Variants in TPO observed in about 807,000 individuals in gnomAD.
TPO encodes the protein thyroid microsomal antigen.
TPO carries 78 observed loss-of-function variants against 96.9 expected under a neutral mutation model. That is an observed-to-expected ratio of 0.81 (90% confidence interval 0.67 to 0.97). The LOEUF is 0.97. TPO is among the 50% of genes least tolerant of loss of function. The pLI is 0.00. For missense variants in TPO, 1,252 were observed against 1,274.8 expected (o/e 0.98, Z 0.27); for synonymous variants, 547 against 538.0 (o/e 1.02, Z -0.23).
chr2:1,458,277 T>C (rs1668064401), intron 7 of TPO, among the ~76,000 whole-genome samples: 1 of 151,896 alleles, frequency 6.6e-6, no homozygotes, highest in Admixed American at 6.6e-5. Context: ...CGTGTGTATA[T>C]AGCATATAAG....
At chr2:1,542,064 CT>C in intron 16 of TPO, 2 of 346,448 alleles carry the variant, frequency 5.8e-6, no homozygotes, top group Admixed American at 8.7e-5. Flanking sequence ...CCCTGGGCCC[CT>C]AATTAGTCTG....
intron 15 of TPO, among the ~76,000 whole-genome samples, chr2:1,537,228 TCCC>T (rs201263982): frequency 1.0e-3 from 26 of 25,072 alleles, no homozygotes; most frequent in Non-Finnish European, 1.3e-3. Flanking sequence ...CCTCCCCAAA[TCCC>T]CCAACTGTTT....
intron 2 of TPO, among the ~76,000 whole-genome samples, chr2:1,418,012 A>G (rs62105599): frequency 0.24 from 34,769 of 145,094 alleles, 4,425 homozygotes; most frequent in Admixed American, 0.35. Context: ...GGCCAGTGCC[A>G]TGACTCACAT....
At chr2:1,537,532 TCCCCCCCA>T (rs1680080745) in intron 15 of TPO, among the ~76,000 whole-genome samples, 2 of 12,874 alleles carry the variant, frequency 1.6e-4, no homozygotes, top group Non-Finnish European at 1.5e-4. Context: ...CCTCCGCCTA[TCCCCCCCA>T]GTGTGCAACC....
intron 14 of TPO, among the ~76,000 whole-genome samples, chr2:1,514,057 TAG>T (rs1330612808): frequency 1.3e-5 from 2 of 152,136 alleles, no homozygotes; most frequent in South Asian, 2.1e-4. Flanking sequence ...GTCATGAAAT[TAG>T]AGAGGCTGAG....
chr2:1,504,100 CTCTG>C lies in TPO; in HGVS notation c.2518+24_2518+27del, dbSNP rs761317162. ...CGTAGGTGAGGCTGTTCCCCTCTCT[CTCTG>C]TCCGTCCATTTGCGAGTTTTTGTAA... On this transcript the variant is annotated intron_variant, in intron 14 of 16. Coordinates refer to ENST00000329066, the MANE Select transcript of TPO (RefSeq NM_001206744.2). The C allele has an allele frequency of 4.3e-6, 7 of 1,613,652 alleles. No individual in the cohort carries two copies. The African/African-American group carries it at 5.3e-5, about 12-fold the overall frequency.
intron 5 of TPO, among the ~76,000 whole-genome samples, chr2:1,447,220 T>C (rs549854994): frequency 6.6e-6 from 1 of 152,322 alleles, no homozygotes; most frequent in Admixed American, 6.5e-5. Context: ...TTACAGTCTC[T>C]TCTCTCAGAA....
At position 1,534,015 on chromosome 2, in the gene TPO, TCCC is replaced by T. The variant is rs1218012284; in HGVS notation, c.2619-6574_2619-6572del. 2.7e-4 allele frequency among the ~76,000 whole-genome samples: 15 copies of T among 56,316 alleles called. 3 individuals are homozygous for T. The highest frequency in any genetic ancestry group is 9.3e-4 in the African/African-American group (14 of 15,066). 36.9% of individuals were successfully genotyped at this position (56,316 alleles called of 152,430 possible). ...CATCACTCTGTGTAATCTCCCCAAA[TCCC>T]CCCCAATCTGTGCAACCTCCCCAAA... On this transcript the variant is annotated intron_variant, in intron 15 of 16. Coordinates refer to ENST00000329066, the MANE Select transcript of TPO (RefSeq NM_001206744.2).
At chr2:1,432,146 T>G (rs1665040517) in intron 3 of TPO, among the ~76,000 whole-genome samples, 1 of 152,228 alleles carries the variant, frequency 6.6e-6, no homozygotes, top group African/African-American at 2.4e-5. Context: ...TCACTCTGCT[T>G]CTTCTTTGAG....
chr2:1,482,165 G>C (rs1010504171), intron 8 of TPO, among the ~76,000 whole-genome samples: 7 of 152,198 alleles, frequency 4.6e-5, no homozygotes, highest in African/African-American at 1.7e-4. Flanking sequence ...CTGTGCCAGG[G>C]GCTACGCGGC....
intron 15 of TPO, among the ~76,000 whole-genome samples, chr2:1,534,387 A>AGCTGTGTGCAACCTCCCCAAATCCCCCCC (rs1679040946): frequency 2.6e-5 from 3 of 117,134 alleles, no homozygotes; most frequent in African/African-American, 3.5e-5. Flanking sequence ...AAATCCCTCC[A>AGCTGTGTGCAACCTCCCCAAATCCCCCCC]ACTGTGTGCA....
chr2:1,483,886 A>C (rs1037025062), intron 8 of TPO, among the ~76,000 whole-genome samples: 10 of 152,246 alleles, frequency 6.6e-5, no homozygotes, highest in African/African-American at 2.2e-4. Context: ...ACAAGTGTGT[A>C]AATAATATTG....
chr2:1,448,690 C>A (rs576651839), intron 5 of TPO, among the ~76,000 whole-genome samples: 1 of 152,318 alleles, frequency 6.6e-6, no homozygotes, highest in South Asian at 2.1e-4. Context: ...GTCGGAGGCT[C>A]CTGCAGGTAA....
chr2:1,472,827 CAAAAAAAAAAA>C lies in TPO; in HGVS notation c.820-4245_820-4235del, dbSNP rs34064729. On this transcript the variant is annotated intron_variant, in intron 7 of 16. Coordinates refer to ENST00000329066, the MANE Select transcript of TPO (RefSeq NM_001206744.2). ...TCATTTTTTTCTGCTTGTTTGGCGG[CAAAAAAAAAAA>C]AAAAAAAAAAAAAGGAGAGAGAGAG... Among the ~76,000 whole-genome samples, 348 of 48,380 alleles carry C rather than the reference CAAAAAAAAAAA, an allele frequency of 7.2e-3. 15 individuals are homozygous for C. In the Admixed American group the frequency reaches 0.083, roughly 12 times the overall value. The allele number at this position is 48,380 out of a possible 152,430, so 31.7% of individuals were successfully genotyped here. A position where few individuals can be genotyped will look rare whatever the true frequency, so the allele number is the denominator to read the frequency against.
At chr2:1,515,948 T>C (rs1674657837) in intron 14 of TPO, among the ~76,000 whole-genome samples, 1 of 152,170 alleles carries the variant, frequency 6.6e-6, no homozygotes, top group Middle Eastern at 3.2e-3. Flanking sequence ...AAAAGTCAGT[T>C]TTCGTTTCAT....
intron 2 of TPO, among the ~76,000 whole-genome samples, chr2:1,416,938 G>A (rs529525550): frequency 1.3e-5 from 2 of 152,308 alleles, no homozygotes; most frequent in East Asian, 1.9e-4. Flanking sequence ...GACCACACAC[G>A]GTCACCGTAA....
chr2:1,375,777 G>T (rs1168277538), intron 1 of TPO, among the ~76,000 whole-genome samples: 1 of 152,064 alleles, frequency 6.6e-6, no homozygotes, highest in Non-Finnish European at 1.5e-5. Context: ...TTCCAACCCT[G>T]CAGGCATTGC....
chr2:1,379,629 G>C (rs1020268961), intron 1 of TPO, among the ~76,000 whole-genome samples: 3 of 152,194 alleles, frequency 2.0e-5, no homozygotes, highest in Admixed American at 1.3e-4. Context: ...CGTCGGTATA[G>C]CTCACAGCCT....
intron 7 of TPO, among the ~76,000 whole-genome samples, chr2:1,468,302 G>A (rs1380859511): frequency 6.6e-6 from 1 of 152,102 alleles, no homozygotes; most frequent in African/African-American, 2.4e-5. Flanking sequence ...TATAGGTCCT[G>A]TGAGATTTAT....
Sources: allele counts gnomAD v4.1 joint callset (sites outside exome capture counted in the v4.1 genomes callset), GRCh38; gene constraint gnomAD v4.1.1; transcripts MANE v1.5; gene names NCBI Gene and HGNC (gene_info 2026-07-23, HGNC 2026-07-21).